Variants in DCAF8 observed in about 807,000 individuals in gnomAD.
DCAF8 encodes the protein DDB1 and CUL4 associated factor 8, also known as DDB1- and CUL4-associated factor 8.
DCAF8 carries 20 observed loss-of-function variants against 68.0 expected under a neutral mutation model. The ratio of observed to expected loss-of-function variants is 0.29; its 90% CI spans 0.21 to 0.43. DCAF8 has a LOEUF of 0.43. DCAF8 is among the 20% of genes least tolerant of loss of function. The pLI is 1.00. For synonymous variants in DCAF8, 230 were observed against 276.9 expected (o/e 0.83, Z 1.68); for missense variants, 460 against 771.0 (o/e 0.60, Z 4.78).
intron 8 of DCAF8, 145 bp from the exon 9 acceptor site, chr1:160,225,264 A>C: frequency 1.3e-6 from 1 of 792,908 alleles, no homozygotes; most frequent in Non-Finnish European, 2.0e-6. Context: ...CAACTGATGA[A>C]ACATGACCAC....
At chr1:160,251,901 C>T (rs750347768) in intron 2 of DCAF8, among the ~76,000 whole-genome samples, 1 of 152,190 alleles carries the variant, frequency 6.6e-6, no homozygotes, top group Non-Finnish European at 1.5e-5. Flanking sequence ...CTATTAAGTA[C>T]TTGGAGGGGT....
At chr1:160,244,284 G>A (rs1003134834) in intron 2 of DCAF8, among the ~76,000 whole-genome samples, 1 of 152,130 alleles carries the variant, frequency 6.6e-6, no homozygotes, top group Non-Finnish European at 1.5e-5. Context: ...CACTCACTGA[G>A]TAACTGGCAG....
At chr1:160,253,770 G>A (rs1349341419) in intron 2 of DCAF8, among the ~76,000 whole-genome samples, 1 of 151,246 alleles carries the variant, frequency 6.6e-6, no homozygotes, top group Non-Finnish European at 1.5e-5. Flanking sequence ...AGATTGCAGT[G>A]AACTGTGATG....
At chr1:160,245,964 C>A (rs1386654305) in intron 2 of DCAF8, among the ~76,000 whole-genome samples, 1 of 152,006 alleles carries the variant, frequency 6.6e-6, no homozygotes, top group Non-Finnish European at 1.5e-5. Flanking sequence ...CATGGAGAAA[C>A]CCTGTCTCTA....
intron 7 of DCAF8, among the ~76,000 whole-genome samples, chr1:160,226,499 A>T (rs1266022736): frequency 2.0e-5 from 3 of 152,318 alleles, no homozygotes; most frequent in East Asian, 3.9e-4. Flanking sequence ...TACAGTGAGG[A>T]ACAAGACAGA....
At chr1:160,257,706 G>A (rs1238396472) in intron 2 of DCAF8, among the ~76,000 whole-genome samples, 2 of 152,198 alleles carry the variant, frequency 1.3e-5, no homozygotes, top group East Asian at 1.9e-4. Flanking sequence ...AAGGACCATG[G>A]CACTGGAACT....
At chr1:160,222,529 G>C in intron 11 of DCAF8, 122 bp downstream of exon 11, 1 of 1,353,042 alleles carries the variant, frequency 7.4e-7, no homozygotes, top group Non-Finnish European at 1.0e-6. Flanking sequence ...GTCTTTTATG[G>C]CTGGCTGGAC....
In DCAF8 at chr1:160,217,673, C is replaced by T. The variant is rs775067377; in HGVS notation, c.1713G>A (p.Ala571=). 1.9e-5 allele frequency: 30 copies of T among 1,613,986 alleles called. No homozygotes were observed. The highest frequency in any genetic ancestry group is 2.7e-5 in the African/African-American group (2 of 74,920). Residue 571 remains alanine (A), a synonymous_variant, in exon 14 of 14, where the codon GCG becomes GCA. Coordinates refer to ENST00000368074, the MANE Select transcript of DCAF8 (RefSeq NM_015726.4). ...WREPGVGATD[A]DSDESPSSSD... Reference sequence around the variant, plus strand: ...AGGAGCTGGGAGACTCATCAGAGTCCGCGTCTGTGGCCCCAACCCCAGGTT... The same window carrying T: ...AGGAGCTGGGAGACTCATCAGAGTCTGCGTCTGTGGCCCCAACCCCAGGTT...
chr1:160,244,362 G>A (rs1656236293), intron 2 of DCAF8, among the ~76,000 whole-genome samples: 1 of 152,190 alleles, frequency 6.6e-6, no homozygotes, highest in South Asian at 2.1e-4. Context: ...TCAAATGACA[G>A]GTACTGCAAG....
In DCAF8 at chr1:160,240,191, C is replaced by A; in HGVS notation, c.229G>T (p.Asp77Tyr). The A allele has an allele frequency of 6.2e-7, 1 of 1,614,094 alleles. No individual in the cohort carries two copies. Among genetic ancestry groups the A allele is most frequent in the Non-Finnish European group, 8.5e-7 (1 of 1,179,994 alleles). Residue 77 changes from aspartate to tyrosine, a missense_variant, in exon 4 of 14, where the codon GAC (aspartate) becomes TAC (tyrosine). Around this residue, in one of 8 missense-constraint regions of DCAF8, gnomAD observed 156 missense variants for 181.4 expected, o/e 0.86. Transcript: ENST00000368074. ...CCAGTGTCCTCCATGCTGTCAGAGTCCTTATCTTCACCTGAGCTCTCTGTG... is the reference window on the plus strand; with the variant it reads ...CCAGTGTCCTCCATGCTGTCAGAGTACTTATCTTCACCTGAGCTCTCTGTG... ...TDTESSGEDK[D>Y]SDSMEDTGHY...
At position 160,217,622 on chromosome 1, in the gene DCAF8, G is replaced by A; in HGVS notation, c.1764C>T (p.Gly588=). The change falls in exon 14 of 14, where the codon GGC becomes GGT. Residue 588 remains glycine (G), a synonymous_variant. Transcript: ENST00000368074. ...ATGGCATGCACTGCACCCGGTCAGGGCCCTCCTCCTCGTCCGATGTGTCTG... is the reference window on the plus strand; with the variant it reads ...ATGGCATGCACTGCACCCGGTCAGGACCCTCCTCCTCGTCCGATGTGTCTG... ...SSSDTSDEEE[G]PDRVQCMPS 1 of 1,613,948 alleles carries A rather than the reference G, an allele frequency of 6.2e-7. No individual in the cohort carries two copies. Among genetic ancestry groups the A allele is most frequent in the Non-Finnish European group, 8.5e-7 (1 of 1,179,964 alleles).
At chr1:160,242,235 ACT>A (rs1186702782) in intron 3 of DCAF8, among the ~76,000 whole-genome samples, 1 of 148,250 alleles carries the variant, frequency 6.7e-6, no homozygotes, top group Non-Finnish European at 1.5e-5. Context: ...CAAGAGCAAA[ACT>A]CTGTCTCAAA....
At chr1:160,248,703 A>G (rs1296642325) in intron 2 of DCAF8, among the ~76,000 whole-genome samples, 1 of 151,610 alleles carries the variant, frequency 6.6e-6, no homozygotes, top group Non-Finnish European at 1.5e-5. Flanking sequence ...CTCCATCTCA[A>G]AAAAAGAAAA....
At chr1:160,243,882 C>T (rs1260670510) in intron 3 of DCAF8, 78 bp downstream of exon 3, 6 of 1,446,766 alleles carry the variant, frequency 4.1e-6, no homozygotes, top group Non-Finnish European at 5.8e-6. Flanking sequence ...AAAATCCAGG[C>T]CTCCACTCTA....
Position 160,239,856 on chromosome 1 carries a change from C to A in DCAF8, c.564G>T (p.Gly188=). 6.2e-7 allele frequency: 1 copy of A among 1,614,256 alleles called. No homozygotes were observed. Among genetic ancestry groups the A allele is most frequent in the Non-Finnish European group, 8.5e-7 (1 of 1,180,054 alleles). The change falls in exon 4 of 14, where the codon GGG becomes GGT. Residue 188 remains glycine (G), a synonymous_variant. Transcript: ENST00000368074. ...TGACACAACCAGTATGGCCCTCAAG[C>A]CCATGCTGCAGGCGGAAACGCTGCA... ...VFVQRFRLQH[G]LEGHTGCVNT... is the part of the protein sequence containing the mutation.
chr1:160,244,082 G>T (rs756805943), intron 2 of DCAF8, 48 bp from the exon 3 acceptor site: 2 of 1,387,256 alleles, frequency 1.4e-6, no homozygotes, highest in Non-Finnish European at 1.0e-6. Context: ...AACCACCTGG[G>T]AAAGAAGACA....
At position 160,217,650 on chromosome 1, in the gene DCAF8, G is replaced by C. The variant is rs1402743124; in HGVS notation, c.1736C>G (p.Ser579Cys). The C allele has an allele frequency of 6.2e-7, 1 of 1,614,174 alleles. No homozygotes were observed. Among genetic ancestry groups the C allele is most frequent in the Non-Finnish European group, 8.5e-7 (1 of 1,180,030 alleles). The change falls in exon 14 of 14, where the codon TCC (serine) becomes TGC (cysteine). Residue 579 changes from serine (S) to cysteine (C), a missense_variant. By Grantham distance (112) the Ser-to-Cys change is moderately radical (BLOSUM62 -1). Around this residue, in one of 8 missense-constraint regions of DCAF8, gnomAD observed 80 missense variants for 115.1 expected, o/e 0.70. Coordinates refer to ENST00000368074, the MANE Select transcript of DCAF8 (RefSeq NM_015726.4). ...TDADSDESPS[S>C]SDTSDEEEGP... Reference sequence around the variant, plus strand: ...CTCCTCCTCGTCCGATGTGTCTGAGGAGCTGGGAGACTCATCAGAGTCCGC... The same window carrying C: ...CTCCTCCTCGTCCGATGTGTCTGAGCAGCTGGGAGACTCATCAGAGTCCGC...
chr1:160,237,367 C>T lies in DCAF8; in HGVS notation c.865-138G>A, dbSNP rs77252982. On this transcript the variant is annotated intron_variant, in intron 5 of 13. Transcript: ENST00000368074. The stretch of plus-strand genomic sequence containing the variant: ...ATGTCTACCTTTTTGTCATAAAATC[C>T]CAGGAAAGGACATAATCTAAGCCCA... 2.9e-3 allele frequency: 1,834 copies of T among 642,360 alleles called. 27 individuals are homozygous for T. The East Asian group carries it at 0.04, about 14-fold the overall frequency. 39.8% of individuals were successfully genotyped at this position (642,360 alleles called of 1,614,324 possible). A position where few individuals can be genotyped will look rare whatever the true frequency, so the allele number is the denominator to read the frequency against.
chr1:160,229,891 C>T (rs1444503117), intron 7 of DCAF8, among the ~76,000 whole-genome samples: 3 of 151,998 alleles, frequency 2.0e-5, no homozygotes, highest in African/African-American at 7.3e-5. Flanking sequence ...GGCGTGGTGG[C>T]GTGCACCTGT....
Sources: allele counts gnomAD v4.1 joint callset (sites outside exome capture counted in the v4.1 genomes callset), GRCh38; gene constraint gnomAD v4.1.1; regional missense constraint gnomAD v4.1.1; transcripts MANE v1.5; gene names NCBI Gene and HGNC (gene_info 2026-07-23, HGNC 2026-07-21).